The following ZNF479 variants were observed in gnomAD, a reference collection of about 807,000 sequenced individuals.
ZNF479 encodes the protein zinc finger protein 479, also known as KRAB zinc finger protein KR19.
In ZNF479, 15 loss-of-function variants were observed where a neutral mutation model predicts 14.7. The ratio of observed to expected loss-of-function variants is 1.02; its 90% CI spans 0.68 to 1.57. The LOEUF (loss-of-function observed/expected upper bound fraction) is 1.57, where lower values mean the gene tolerates loss of function less well. Ranked by LOEUF, ZNF479 falls within the 40% of genes most tolerant of loss-of-function variation. The pLI is 0.00. For missense variants in ZNF479, 506 were observed against 615.1 expected, an observed-to-expected ratio of 0.82 and a Z score of 1.88; for synonymous variants, 145 against 211.5, an observed-to-expected ratio of 0.69 and a Z score of 2.73.
At chr7:57,132,701 A>G (rs566243327), upstream of ZNF479, among the ~76,000 whole-genome samples, 266 of 152,368 alleles carry the variant, frequency 1.7e-3, no homozygotes, top group African/African-American at 5.7e-3. Flanking sequence ...TGTCATATGC[A>G]TTTATAAATG....
At chr7:57,133,553 C>T (rs1786523723), upstream of ZNF479, among the ~76,000 whole-genome samples, 1 of 152,118 alleles carries the variant, frequency 6.6e-6, no homozygotes, top group Admixed American at 6.5e-5. Context: ...TTTCTAGTAG[C>T]CAAATGTTAA....
intron 1 of ZNF479, among the ~76,000 whole-genome samples, chr7:57,128,447 C>A (rs1786274205): frequency 6.6e-6 from 1 of 152,188 alleles, no homozygotes. Flanking sequence ...CTGCATGGAA[C>A]TAATAGAGCA....
chr7:57,135,837 T>C (rs1048779485), upstream of ZNF479, among the ~76,000 whole-genome samples: 9 of 152,116 alleles, frequency 5.9e-5, no homozygotes, highest in African/African-American at 1.7e-4. Flanking sequence ...TGAGAGCAGA[T>C]GGGACTGCAA....
upstream of ZNF479, among the ~76,000 whole-genome samples, chr7:57,132,933 C>T (rs1409116199): frequency 6.6e-6 from 1 of 151,856 alleles, no homozygotes; most frequent in Non-Finnish European, 1.5e-5. Flanking sequence ...TTCAGGAGTT[C>T]GAGACAGGCC....
upstream of ZNF479, among the ~76,000 whole-genome samples, chr7:57,134,267 G>C (rs746290807): frequency 3.3e-5 from 5 of 151,914 alleles, no homozygotes; most frequent in Non-Finnish European, 5.9e-5. Context: ...GTAAAGAAGC[G>C]ACAAAAATCC....
At chr7:57,130,674 T>G (rs1786375118) in intron 1 of ZNF479, among the ~76,000 whole-genome samples, 1 of 152,190 alleles carries the variant, frequency 6.6e-6, no homozygotes, top group African/African-American at 2.4e-5. Context: ...AGTATAAATT[T>G]ATTTAACCAT....
Position 57,120,275 on chromosome 7 carries a change from G to A in ZNF479, c.1140C>T (p.Pro380=). 1 of 1,607,208 alleles carries A rather than the reference G, an allele frequency of 6.2e-7. No individual in the cohort carries two copies. The highest frequency in any genetic ancestry group is 2.2e-5 in the East Asian group (1 of 44,610). The change falls in exon 4 of 4, where the codon CCC becomes CCT. Residue 380 remains proline, a synonymous_variant. Coordinates refer to ENST00000319636, the MANE Select transcript of ZNF479 (RefSeq NM_001370129.2). ...CTTGGCCACATTCTTCACATGTGTAGGGTTTCTCTCCAGTATGAATTCTCC... is the reference window on the plus strand; with the variant it reads ...CTTGGCCACATTCTTCACATGTGTAAGGTTTCTCTCCAGTATGAATTCTCC... ...RHRRIHTGEK[P]YTCEECGQDF...
At position 57,132,400 on chromosome 7, in the gene ZNF479, A is replaced by G; in HGVS notation, c.-76T>C. 1.2e-6 allele frequency: 2 copies of G among 1,608,234 alleles called. No homozygotes were observed. Among genetic ancestry groups the G allele is most frequent in the South Asian group, 1.1e-5 (1 of 90,932 alleles). ...GAGCAGAGGACACAGAGCAGTGAAG[A>G]GGAGAACTGCAGCTCTGGACGCAGA... On this transcript the variant is annotated 5_prime_UTR_variant, in exon 1 of 4. Transcript: ENST00000319636.
chr7:57,121,972 A>C (rs1554400718), intron 3 of ZNF479, among the ~76,000 whole-genome samples: 1 of 152,102 alleles, frequency 6.6e-6, no homozygotes, highest in East Asian at 1.9e-4. Context: ...TGCAATAATA[A>C]AAATAAACAA....
At chr7:57,125,873 G>A (rs1786142040) in intron 3 of ZNF479, 145 bp downstream of exon 3, 1 of 983,900 alleles carries the variant, frequency 1.0e-6, no homozygotes, top group Non-Finnish European at 1.5e-6. Context: ...GTCCCTATGT[G>A]AGAGCAAAAG....
chr7:57,123,637 T>C (rs551536760), intron 3 of ZNF479, among the ~76,000 whole-genome samples: 21 of 152,114 alleles, frequency 1.4e-4, no homozygotes, highest in East Asian at 9.7e-4. Flanking sequence ...AGTTTGATAC[T>C]AGCCTTGGGA....
At chr7:57,132,191 C>G in intron 1 of ZNF479, 95 bp downstream of exon 1, 2 of 1,608,610 alleles carry the variant, frequency 1.2e-6, no homozygotes, top group Middle Eastern at 2.0e-4. Context: ...GGCCCTGGAA[C>G]TGACTGCAAG....
upstream of ZNF479, among the ~76,000 whole-genome samples, chr7:57,137,346 A>G (rs150159808): frequency 7.4e-3 from 1,129 of 152,258 alleles, 13 homozygotes; most frequent in African/African-American, 0.026. Flanking sequence ...AAAAAGAAAA[A>G]AAAGAGTGGG....
intron 1 of ZNF479, among the ~76,000 whole-genome samples, chr7:57,138,998 T>TTA (rs1193637396): frequency 6.6e-6 from 1 of 152,208 alleles, no homozygotes; most frequent in Non-Finnish European, 1.5e-5. Context: ...ATGCTTGGGC[T>TTA]TAGGGCAATG....
intron 1 of ZNF479, among the ~76,000 whole-genome samples, chr7:57,128,287 A>G (rs1029376922): frequency 2.4e-4 from 36 of 152,318 alleles, no homozygotes; most frequent in African/African-American, 7.9e-4. Context: ...TTGAAGGTGC[A>G]GATAACTTCC....
upstream of ZNF479, among the ~76,000 whole-genome samples, chr7:57,132,635 C>G (rs1283973486): frequency 3.3e-5 from 5 of 152,178 alleles, no homozygotes; most frequent in African/African-American, 1.2e-4. Context: ...AGGGCTTCTT[C>G]CTCGATCGGA....
upstream of ZNF479, among the ~76,000 whole-genome samples, chr7:57,133,759 G>A (rs1405459149): frequency 1.3e-5 from 2 of 152,030 alleles, no homozygotes; most frequent in Non-Finnish European, 1.5e-5. Flanking sequence ...TCAGCTACTA[G>A]GGAGGCTGAG....
At position 57,127,345 on chromosome 7, in the gene ZNF479, T is replaced by C. The variant is rs550910083; in HGVS notation, c.40-627A>G. On this transcript the variant is annotated intron_variant, in intron 1 of 3. Transcript: ENST00000319636. ...GCCGGACATGTCTATTTTTGAGTGCTATATTTACATCATATAGAATAAGTT... is the reference window on the plus strand; with the variant it reads ...GCCGGACATGTCTATTTTTGAGTGCCATATTTACATCATATAGAATAAGTT... Among the ~76,000 whole-genome samples, 8 of 152,284 alleles carry C rather than the reference T, an allele frequency of 5.3e-5. No individual in the cohort carries two copies. The South Asian group carries it at 1.7e-3, about 32-fold the overall frequency.
chr7:57,119,669 T>A lies in ZNF479; in HGVS notation c.*171A>T, dbSNP rs549102049. On this transcript the variant is annotated 3_prime_UTR_variant, in exon 4 of 4. Coordinates refer to ENST00000319636, the MANE Select transcript of ZNF479 (RefSeq NM_001370129.2). ...TAAGGTTTGAGGGTTGGTTAAAGGCTTTGTTACATTTTTTTACATTTATAA... is the reference window on the plus strand; with the variant it reads ...TAAGGTTTGAGGGTTGGTTAAAGGCATTGTTACATTTTTTTACATTTATAA... 1.5e-6 allele frequency: 1 copy of A among 688,774 alleles called. No individual in the cohort carries two copies. The highest frequency in any genetic ancestry group is 1.8e-5 in the African/African-American group (1 of 55,348). The allele number at this position is 688,774 out of a possible 1,614,324, so 42.7% of individuals were successfully genotyped here.
Sources: gnomAD v4.1 joint callset for allele counts (sites outside exome capture counted in the v4.1 genomes callset) on GRCh38, gnomAD v4.1.1 for gene constraint, MANE v1.5 for transcripts, NCBI Gene and HGNC (gene_info 2026-07-23, HGNC 2026-07-21) for gene names.